The following TTC3 variants were observed in gnomAD, a reference collection of about 807,000 sequenced individuals.
TTC3 encodes the protein tetratricopeptide repeat domain 3.
A neutral mutation model predicts 249.6 loss-of-function variants in TTC3; 180 were observed. That is an observed-to-expected ratio of 0.72 (90% confidence interval 0.64 to 0.82). TTC3 has a LOEUF of 0.82. Among genes scored for constraint, TTC3 ranks in the 40% least tolerant of loss-of-function variants. TTC3 has a pLI of 0.00. For synonymous variants in TTC3, 717 were observed against 805.0 expected (o/e 0.89, Z 1.85); for missense variants, 2,061 against 2,398.4 (o/e 0.86, Z 2.94).
At chr21:37,129,860 G>T (rs935876101) in intron 16 of TTC3, among the ~76,000 whole-genome samples, 1 of 152,160 alleles carries the variant, frequency 6.6e-6, no homozygotes, top group Admixed American at 6.5e-5. Context: ...GCCCAGGCTG[G>T]TCTTGAACTC....
chr21:37,094,739 C>T (rs1022949858), intron 8 of TTC3, among the ~76,000 whole-genome samples: 2 of 152,144 alleles, frequency 1.3e-5, no homozygotes, highest in African/African-American at 4.8e-5. Context: ...CCAAATACCG[C>T]ACAAAATTTT....
At chr21:37,074,239 G>A (rs976869723) in intron 1 of TTC3, among the ~76,000 whole-genome samples, 1 of 152,246 alleles carries the variant, frequency 6.6e-6, no homozygotes, top group African/African-American at 2.4e-5. Context: ...TAATGGGAAG[G>A]GGGGTGGACA....
In TTC3 at chr21:37,087,807, A is replaced by G. The variant is rs192156712; in HGVS notation, c.145-26A>G. 1,004 of 1,544,074 alleles carry G rather than the reference A, an allele frequency of 6.5e-4. 9 individuals carry two copies. In the African/African-American group the frequency reaches 0.013, roughly 19 times the overall value. On this transcript the variant is annotated intron_variant, in intron 2 of 45. Transcript: ENST00000355666. ...AATCAAGAACATTTTACTAGACACAAATCAAAATAATTTTCTTCTTTTTAG... is the reference window on the plus strand; with the variant it reads ...AATCAAGAACATTTTACTAGACACAGATCAAAATAATTTTCTTCTTTTTAG...
At chr21:37,169,805 G>A (rs950793687) in intron 34 of TTC3, among the ~76,000 whole-genome samples, 7 of 151,124 alleles carry the variant, frequency 4.6e-5, no homozygotes, top group East Asian at 3.9e-4. Context: ...CCAAGATTGC[G>A]CCACTGCACT....
chr21:37,139,986 T>C (rs2078289311), intron 19 of TTC3, among the ~76,000 whole-genome samples: 1 of 152,204 alleles, frequency 6.6e-6, no homozygotes, highest in South Asian at 2.1e-4. Flanking sequence ...TAGAACTATG[T>C]ATCTTTTGGA....
intron 35 of TTC3, among the ~76,000 whole-genome samples, chr21:37,173,730 TC>T (rs1354998506): frequency 6.6e-6 from 1 of 152,170 alleles, no homozygotes. Context: ...AATCTTAGGG[TC>T]AGTTTGTAAA....
intron 42 of TTC3, among the ~76,000 whole-genome samples, chr21:37,196,463 C>A (rs2084926627): frequency 1.3e-5 from 2 of 152,134 alleles, no homozygotes; most frequent in African/African-American, 4.8e-5. Flanking sequence ...TCTCGAACTT[C>A]TGACCTCAAG....
At chr21:37,153,795 C>G (rs996058803) in intron 27 of TTC3, among the ~76,000 whole-genome samples, 2 of 152,150 alleles carry the variant, frequency 1.3e-5, no homozygotes, top group African/African-American at 2.4e-5. Flanking sequence ...GAAGACAAAT[C>G]TATAATTCAG....
intron 32 of TTC3, among the ~76,000 whole-genome samples, chr21:37,164,525 G>A (rs367680666): frequency 0.012 from 1 of 84 alleles, no homozygotes; most frequent in South Asian, 0.12. Flanking sequence ...TTTTAGTAGA[G>A]AAGGGTTTCA....
chr21:37,077,050 C>T (rs1384667619), intron 1 of TTC3, among the ~76,000 whole-genome samples: 1 of 151,684 alleles, frequency 6.6e-6, no homozygotes, highest in Non-Finnish European at 1.5e-5. Context: ...TCTTTTAATC[C>T]TGGCACTTCC....
At chr21:37,195,622 T>C in intron 41 of TTC3, 53 bp from the exon 42 acceptor site, 1 of 1,531,858 alleles carries the variant, frequency 6.5e-7, no homozygotes, top group Non-Finnish European at 8.8e-7. Context: ...CTTGGGCGTT[T>C]CATCCTTCAA....
At chr21:37,087,767 A>C (rs1194379535) in intron 2 of TTC3, 66 bp from the exon 3 acceptor site, 4 of 1,270,442 alleles carry the variant, frequency 3.1e-6, no homozygotes, top group Non-Finnish European at 4.5e-6. Flanking sequence ...TAGTTCTGAT[A>C]ATCCTTAGAT....
At chr21:37,116,501 A>T (rs566902531) in intron 11 of TTC3, among the ~76,000 whole-genome samples, 16 of 148,924 alleles carry the variant, frequency 1.1e-4, no homozygotes, top group African/African-American at 2.7e-4. Flanking sequence ...TTATAAAAAT[A>T]TTTTTTTTTT....
chr21:37,073,315 G>GGCTGCTGCTGCT lies in TTC3; in HGVS notation c.-55_-44dup, dbSNP rs16998912. ...CGGAGGTGGCGGCGGCGGCGGCGGC[G>GGCTGCTGCTGCT]GCTGCTGCTGCTGCTGCCCGCGTCC... is the stretch of plus-strand genomic sequence containing the variant. On this transcript the variant is annotated 5_prime_UTR_variant, in exon 1 of 46. Coordinates refer to ENST00000355666, the Ensembl canonical transcript of TTC3. 1.8e-5 allele frequency: 7 copies of GGCTGCTGCTGCT among 382,368 alleles called. No individual in the cohort carries two copies. The Admixed American group carries it at 1.9e-4, about 11-fold the overall frequency. 23.7% of individuals were successfully genotyped at this position (382,368 alleles called of 1,614,324 possible).
chr21:37,076,948 G>A (rs112034319), intron 1 of TTC3, among the ~76,000 whole-genome samples: 21,774 of 151,708 alleles, frequency 0.14, 1,673 homozygotes, highest in African/African-American at 0.17. Context: ...TGATCTGCCC[G>A]ACTCGGCCTC....
chr21:37,200,540 G>A (rs1484206172), intron 45 of TTC3, among the ~76,000 whole-genome samples: 1 of 152,198 alleles, frequency 6.6e-6, no homozygotes, highest in Non-Finnish European at 1.5e-5. Context: ...CCCTTGTGGG[G>A]AGAGGGGAAC....
At chr21:37,079,023 G>A (rs1016815680) in intron 1 of TTC3, among the ~76,000 whole-genome samples, 1 of 152,112 alleles carries the variant, frequency 6.6e-6, no homozygotes, top group Non-Finnish European at 1.5e-5. Context: ...AGAATATCTT[G>A]TGTCTTTTCT....
intron 10 of TTC3, among the ~76,000 whole-genome samples, chr21:37,104,879 AG>A (rs2074924783): frequency 1.3e-5 from 2 of 152,196 alleles, no homozygotes; most frequent in African/African-American, 4.8e-5. Flanking sequence ...TTGGGCTTCT[AG>A]GAACTCCCCA....
chr21:37,126,516 A>C (rs923663287), intron 15 of TTC3, among the ~76,000 whole-genome samples: 34 of 152,144 alleles, frequency 2.2e-4, no homozygotes, highest in Non-Finnish European at 2.9e-5. Context: ...CTCCCTCATA[A>C]AATTTTAATA....
Sources: allele counts gnomAD v4.1 joint callset (sites outside exome capture counted in the v4.1 genomes callset), GRCh38; gene constraint gnomAD v4.1.1; transcripts MANE v1.5; gene names NCBI Gene and HGNC (gene_info 2026-07-23, HGNC 2026-07-21).